Variants in POPDC3 observed in about 807,000 individuals in gnomAD.
The protein encoded by POPDC3 is popeye domain-containing protein 3.
In POPDC3, 20 loss-of-function variants were observed where a neutral mutation model predicts 28.2. The observed-to-expected ratio is 0.71, with a 90% CI of 0.50 to 1.03. The LOEUF (loss-of-function observed/expected upper bound fraction) is 1.03. Among genes scored for constraint, POPDC3 ranks in the 50% least tolerant of loss-of-function variants. POPDC3 has a pLI of 0.00. For missense variants in POPDC3, 316 were observed against 345.9 expected (o/e 0.91, Z 0.69); for synonymous variants, 118 against 124.1 (o/e 0.95, Z 0.33).
At chr6:105,178,791 T>C (rs910901999) in intron 1 of POPDC3, 12 of 985,088 alleles carry the variant, frequency 1.2e-5, no homozygotes, top group Non-Finnish European at 1.4e-5. Context: ...CACAAGAGGA[T>C]ATTTTCATGC....
chr6:105,179,512 C>G (rs1022882217), intron 1 of POPDC3, among the ~76,000 whole-genome samples: 4 of 152,148 alleles, frequency 2.6e-5, no homozygotes, highest in Admixed American at 1.3e-4. Context: ...GAATATTCGC[C>G]CAGAAGCCTC....
intron 1 of POPDC3, among the ~76,000 whole-genome samples, chr6:105,176,370 G>T (rs1024462938): frequency 1.3e-5 from 2 of 152,176 alleles, no homozygotes; most frequent in Admixed American, 1.3e-4. Context: ...TGATGAGCTG[G>T]CCGCCTGTGA....
intron 1 of POPDC3, among the ~76,000 whole-genome samples, chr6:105,174,835 T>G (rs530570056): frequency 6.6e-6 from 1 of 152,318 alleles, no homozygotes; most frequent in South Asian, 2.1e-4. Context: ...GAACCAGTGA[T>G]TCATCGTGAT....
intron 1 of POPDC3, among the ~76,000 whole-genome samples, chr6:105,175,838 G>A (rs1452179560): frequency 6.6e-6 from 1 of 151,224 alleles, no homozygotes; most frequent in East Asian, 1.9e-4. Flanking sequence ...GTGAGACTCT[G>A]TCTCAAAAAA....
intron 1 of POPDC3, chr6:105,166,453 A>C: frequency 2.9e-6 from 1 of 339,582 alleles, no homozygotes; most frequent in South Asian, 2.1e-5. Context: ...AGAGATAGGA[A>C]GGAGGTGACA....
At chr6:105,179,475 T>C (rs1386199108) in intron 1 of POPDC3, among the ~76,000 whole-genome samples, 2 of 151,628 alleles carry the variant, frequency 1.3e-5, no homozygotes, top group Non-Finnish European at 2.9e-5. Flanking sequence ...GGGGCCAGAG[T>C]AGGACCTGCA....
chr6:105,167,719 C>G (rs1228909195), intron 1 of POPDC3, among the ~76,000 whole-genome samples: 1 of 145,088 alleles, frequency 6.9e-6, no homozygotes, highest in Admixed American at 7.1e-5. Context: ...TGTACTCCAG[C>G]CTGGGCAACA....
intron 1 of POPDC3, among the ~76,000 whole-genome samples, chr6:105,166,261 T>C (rs1265385897): frequency 1.3e-5 from 2 of 152,120 alleles, no homozygotes; most frequent in South Asian, 2.1e-4. Context: ...GGTCAAAATA[T>C]AGAGCCGAGT....
chr6:105,170,387 G>A (rs1370180179), intron 1 of POPDC3, among the ~76,000 whole-genome samples: 1 of 152,168 alleles, frequency 6.6e-6, no homozygotes, highest in Non-Finnish European at 1.5e-5. Flanking sequence ...CCTATATGCA[G>A]AAAATGAACT....
At position 105,158,339 on chromosome 6, in the gene POPDC3, G is replaced by T; in HGVS notation, c.*131C>A. The T allele has an allele frequency of 1.4e-6, 1 of 700,498 alleles. No homozygotes were observed. Among genetic ancestry groups the T allele is most frequent in the Non-Finnish European group, 2.3e-6 (1 of 440,100 alleles). The allele number at this position is 700,498 out of a possible 1,614,324, so 43.4% of individuals were successfully genotyped here. A position where few individuals can be genotyped will look rare whatever the true frequency, so the allele number is the denominator to read the frequency against. ...AGTTGTTGAAAGGAATAAAACAGTT[G>T]GCAATGGCATCTCGCTTCTGAATTT... On this transcript the variant is annotated 3_prime_UTR_variant, in exon 4 of 4. Coordinates refer to ENST00000254765, the MANE Select transcript of POPDC3 (RefSeq NM_022361.5).
At chr6:105,178,832 A>C (rs1774729616) in intron 1 of POPDC3, 1 of 985,226 alleles carries the variant, frequency 1.0e-6, no homozygotes, top group Non-Finnish European at 1.2e-6. Context: ...ACAAGAAGGA[A>C]AAAAAATAGC....
chr6:105,166,935 T>A (rs567423148), intron 1 of POPDC3, among the ~76,000 whole-genome samples: 7 of 151,744 alleles, frequency 4.6e-5, no homozygotes, highest in African/African-American at 1.4e-4. Context: ...TGTGTGTGTA[T>A]ATATATATTT....
At chr6:105,179,166 G>C in intron 1 of POPDC3, 1 of 985,312 alleles carries the variant, frequency 1.0e-6, no homozygotes, top group Non-Finnish European at 1.2e-6. Flanking sequence ...CACTGTAACC[G>C]ACATGGTGAT....
chr6:105,162,098 T>G lies in POPDC3; in HGVS notation c.-189A>C. 1.5e-6 allele frequency: 2 copies of G among 1,326,536 alleles called. No homozygotes were observed. The highest frequency in any genetic ancestry group is 1.9e-6 in the Non-Finnish European group (2 of 1,044,762). The allele number at this position is 1,326,536 out of a possible 1,614,324, so 82.2% of individuals were successfully genotyped here. On this transcript the variant is annotated 5_prime_UTR_variant, in exon 2 of 4. Transcript: ENST00000254765. The stretch of plus-strand genomic sequence containing the variant: ...TCTTGAAAAACTAAGAATCCCATGC[T>G]CGCTTCTTTAAGTTCATCTGGGCTC...
chr6:105,167,993 A>G (rs1256229807), intron 1 of POPDC3, among the ~76,000 whole-genome samples: 2 of 152,248 alleles, frequency 1.3e-5, no homozygotes, highest in Non-Finnish European at 2.9e-5. Context: ...CTATGCAAAC[A>G]TTGCATATGT....
intron 1 of POPDC3, among the ~76,000 whole-genome samples, chr6:105,166,986 T>C (rs1248300717): frequency 4.6e-5 from 7 of 151,812 alleles, no homozygotes; most frequent in Non-Finnish European, 1.0e-4. Flanking sequence ...TAGCACAAAG[T>C]GGTCTTTAGT....
intron 1 of POPDC3, among the ~76,000 whole-genome samples, chr6:105,170,710 A>G (rs749662713): frequency 1.3e-4 from 20 of 152,344 alleles, no homozygotes; most frequent in Non-Finnish European, 2.4e-4. Flanking sequence ...TCACTGCACT[A>G]TACTAAACTG....
At chr6:105,179,423 C>G (rs970946109) in intron 1 of POPDC3, among the ~76,000 whole-genome samples, 3 of 152,140 alleles carry the variant, frequency 2.0e-5, no homozygotes, top group African/African-American at 7.2e-5. Flanking sequence ...CGGCTTTTCT[C>G]CCTTGCAAAA....
At chr6:105,166,867 GTT>G (rs1491449590) in intron 1 of POPDC3, among the ~76,000 whole-genome samples, 2 of 53,396 alleles carry the variant, frequency 3.7e-5, no homozygotes, top group East Asian at 6.3e-4. Flanking sequence ...AACATAGATG[GTT>G]GTGTGTGTGT....
Sources: allele counts gnomAD v4.1 joint callset (sites outside exome capture counted in the v4.1 genomes callset), GRCh38; gene constraint gnomAD v4.1.1; transcripts MANE v1.5; gene names NCBI Gene and HGNC (gene_info 2026-07-23, HGNC 2026-07-21).